DIP2B: variants seen among roughly 807,000 people sequenced by gnomAD.
The protein encoded by DIP2B is disco-interacting protein 2 homolog B.
A neutral mutation model predicts 198.0 loss-of-function variants in DIP2B; 76 were observed. That is an observed-to-expected ratio of 0.38 (90% CI 0.32 to 0.46). The LOEUF is 0.46. DIP2B is among the 20% of genes least tolerant of loss of function. The pLI, the probability that DIP2B is intolerant of heterozygous loss-of-function variation, is 0.99. For synonymous variants in DIP2B, 701 were observed against 739.1 expected (o/e 0.95, Z 0.84); for missense variants, 1,559 against 1,978.4 (o/e 0.79, Z 4.02).
intron 1 of DIP2B, among the ~76,000 whole-genome samples, chr12:50,531,253 T>C (rs1019272400): frequency 2.0e-5 from 3 of 152,148 alleles, no homozygotes; most frequent in African/African-American, 4.8e-5. Flanking sequence ...TTTCACCATG[T>C]TAGCCAGGAT....
intron 3 of DIP2B, among the ~76,000 whole-genome samples, chr12:50,653,831 A>G (rs917480495): frequency 6.6e-6 from 1 of 151,732 alleles, no homozygotes; most frequent in African/African-American, 2.4e-5. Context: ...TCTCTGTTTC[A>G]TTTAATTCTA....
chr12:50,593,717 T>TCTCCCCTCTC (rs1214354084), intron 1 of DIP2B, among the ~76,000 whole-genome samples: 1 of 11,272 alleles, frequency 8.9e-5, no homozygotes, highest in East Asian at 3.8e-3. Flanking sequence ...CCTCCTCTCC[T>TCTCCCCTCTC]CTCCTCTCCT....
At chr12:50,572,664 A>G (rs1248939617) in intron 1 of DIP2B, among the ~76,000 whole-genome samples, 1 of 152,214 alleles carries the variant, frequency 6.6e-6, no homozygotes, top group East Asian at 1.9e-4. Flanking sequence ...ATCCCAGATA[A>G]TGAAAATTAG....
chr12:50,698,310 A>G lies in DIP2B; in HGVS notation c.2049-18A>G. The stretch of plus-strand genomic sequence containing the variant: ...GATGTTATTTCATTCACCAAACTTG[A>G]TGGGTTCTTCTTTTCAGGCCTGGAG... On this transcript the variant is annotated intron_variant, in intron 17 of 37. Transcript: ENST00000301180. The G allele has an allele frequency of 6.2e-7, 1 of 1,602,362 alleles. No individual in the cohort carries two copies. The highest frequency in any genetic ancestry group is 8.5e-7 in the Non-Finnish European group (1 of 1,175,260).
intron 2 of DIP2B, among the ~76,000 whole-genome samples, chr12:50,640,220 C>T (rs1380149043): frequency 1.3e-5 from 2 of 152,028 alleles, no homozygotes; most frequent in East Asian, 3.8e-4. Flanking sequence ...TAAGACAGTA[C>T]ATTTTGGGAG....
rs371736122 is a variant in DIP2B at position 50,678,836 on chromosome 12, A to C, written c.1074A>C (p.Ala358=). 1.9e-5 allele frequency: 30 copies of C among 1,614,220 alleles called. No homozygotes were observed. Among genetic ancestry groups the C allele is most frequent in the Non-Finnish European group, 2.5e-5 (30 of 1,180,022 alleles). The change falls in exon 8 of 38, where the codon GCA becomes GCC. Residue 358 remains alanine (A), a synonymous_variant. Transcript: ENST00000301180. ...AAGCAAAATGCTCCTGTCTGACTGC[A>C]CTGGACATGACAGGGAAACCAGTTT... is the stretch of plus-strand genomic sequence containing the variant. The part of the protein sequence containing the change: ...TTQAKCSCLT[A]LDMTGKPVYT...
At chr12:50,701,816 G>GAA (rs1341274374) in intron 19 of DIP2B, among the ~76,000 whole-genome samples, 1 of 152,134 alleles carries the variant, frequency 6.6e-6, no homozygotes, top group Non-Finnish European at 1.5e-5. Flanking sequence ...TGAGGCAAGT[G>GAA]AAACTCACTT....
In DIP2B at chr12:50,519,382, T is replaced by G. The variant is rs149388174; in HGVS notation, c.100+14142T>G. Among the ~76,000 whole-genome samples, 123 of 152,348 alleles carry G rather than the reference T, an allele frequency of 8.1e-4. 2 individuals carry two copies. The highest frequency in any genetic ancestry group is 2.8e-3 in the African/African-American group (115 of 41,588). On this transcript the variant is annotated intron_variant, in intron 1 of 37. Coordinates refer to ENST00000301180, the MANE Select transcript of DIP2B (RefSeq NM_173602.3). ...TCCCAAAGTGTTGGGATTACAGGCA[T>G]GAGCCACTATGCTGAGCCTCTTTTA...
chr12:50,696,043 TA>T (rs1939305907), intron 16 of DIP2B, 76 bp downstream of exon 16: 12 of 1,581,138 alleles, frequency 7.6e-6, no homozygotes, highest in Non-Finnish European at 1.0e-5. Context: ...TGTACTAAGA[TA>T]TAATTCACAT....
intron 1 of DIP2B, among the ~76,000 whole-genome samples, chr12:50,510,050 C>A (rs1958001132): frequency 6.6e-6 from 1 of 152,140 alleles, no homozygotes; most frequent in Non-Finnish European, 1.5e-5. Flanking sequence ...CTCATGGTGG[C>A]AGATTTCAAT....
chr12:50,606,289 GT>G (rs1258090739), intron 1 of DIP2B, among the ~76,000 whole-genome samples: 29 of 151,876 alleles, frequency 1.9e-4, no homozygotes, highest in Non-Finnish European at 1.0e-4. Flanking sequence ...GCTGGCTAGT[GT>G]TTTTAGTTTT....
intron 1 of DIP2B, among the ~76,000 whole-genome samples, chr12:50,612,402 T>C (rs1959039355): frequency 6.6e-6 from 1 of 152,006 alleles, no homozygotes; most frequent in Non-Finnish European, 1.5e-5. Flanking sequence ...CCTCCCAAGA[T>C]GAATTCTGAG....
intron 3 of DIP2B, among the ~76,000 whole-genome samples, chr12:50,648,724 CT>C (rs548102011): frequency 6.9e-6 from 1 of 144,662 alleles, no homozygotes; most frequent in African/African-American, 2.6e-5. Flanking sequence ...CTTGCAAGGG[CT>C]TTTTTTTAAT....
chr12:50,716,958 C>CTTGTTTTTTTTTTTTTTTTTTT (rs1939731862), intron 23 of DIP2B, among the ~76,000 whole-genome samples: 1 of 58,924 alleles, frequency 1.7e-5, no homozygotes, highest in Non-Finnish European at 3.0e-5. Flanking sequence ...CGAATTGTTG[C>CTTGTTTTTTTTTTTTTTTTTTT]TTTTTTTTTT....
chr12:50,705,204 C>G (rs1023862831), intron 20 of DIP2B, among the ~76,000 whole-genome samples: 3 of 152,110 alleles, frequency 2.0e-5, no homozygotes, highest in African/African-American at 7.2e-5. Context: ...TAATTACCTC[C>G]TACCCTGTCT....
At chr12:50,687,913 A>T (rs1939158693) in intron 12 of DIP2B, among the ~76,000 whole-genome samples, 1 of 151,156 alleles carries the variant, frequency 6.6e-6, no homozygotes, top group African/African-American at 2.4e-5. Context: ...AAAAAAAAAA[A>T]ATAGAAAAGA....
At chr12:50,681,756 T>G (rs1266233689) in intron 9 of DIP2B, among the ~76,000 whole-genome samples, 3 of 152,216 alleles carry the variant, frequency 2.0e-5, no homozygotes, top group African/African-American at 7.2e-5. Flanking sequence ...AAAATACTTT[T>G]GCATTGTGAC....
At chr12:50,562,092 A>T (rs1220167502) in intron 1 of DIP2B, among the ~76,000 whole-genome samples, 1 of 152,230 alleles carries the variant, frequency 6.6e-6, no homozygotes, top group Non-Finnish European at 1.5e-5. Flanking sequence ...ATCAATTTCT[A>T]AAGTGACAGT....
At chr12:50,553,599 A>G (rs1436745876) in intron 1 of DIP2B, among the ~76,000 whole-genome samples, 1 of 152,168 alleles carries the variant, frequency 6.6e-6, no homozygotes, top group Non-Finnish European at 1.5e-5. Context: ...GCCAATATAA[A>G]GTATTGTTTA....
Sources: allele counts gnomAD v4.1 joint callset (sites outside exome capture counted in the v4.1 genomes callset), GRCh38; gene constraint gnomAD v4.1.1; transcripts MANE v1.5; gene names NCBI Gene and HGNC (gene_info 2026-07-23, HGNC 2026-07-21).